Variants in GRID2 observed in about 807,000 individuals in gnomAD.
GRID2 encodes glutamate ionotropic receptor delta type subunit 2.
Under a neutral mutation model 114.8 loss-of-function variants are expected in GRID2, and 33 were observed. The observed-to-expected ratio is 0.29, with a 90% CI of 0.22 to 0.38. GRID2 has a LOEUF of 0.38. GRID2 is among the 10% of genes least tolerant of loss of function. The pLI, the probability that GRID2 is intolerant of heterozygous loss-of-function variation, is 1.00. For missense variants in GRID2, 1,184 were observed against 1,257.7 expected (o/e 0.94, Z 0.89); for synonymous variants, 505 against 449.9 (o/e 1.12, Z -1.55).
At chr4:93,132,810 G>A (rs903503098) in intron 4 of GRID2, among the ~76,000 whole-genome samples, 4 of 152,128 alleles carry the variant, frequency 2.6e-5, no homozygotes, top group Admixed American at 1.3e-4. Context: ...GATGTGCTTC[G>A]AAATAGCTCA....
At chr4:92,528,132 CTCT>C (rs1484045225) in intron 1 of GRID2, among the ~76,000 whole-genome samples, 1 of 151,830 alleles carries the variant, frequency 6.6e-6, no homozygotes, top group Non-Finnish European at 1.5e-5. Context: ...ATCAAAATTA[CTCT>C]TCTTAAAACA....
chr4:92,653,327 C>CTGTG lies in GRID2; in HGVS notation c.244+63059_244+63062dup, dbSNP rs112109018. Among the ~76,000 whole-genome samples the CTGTG allele has an allele frequency of 3.6e-4, 52 of 146,208 alleles. 1 individual carries two copies. The highest frequency in any genetic ancestry group is 3.0e-4 in the Non-Finnish European group (20 of 66,238). On this transcript the variant is annotated intron_variant, in intron 2 of 15. Coordinates refer to ENST00000282020, the MANE Select transcript of GRID2 (RefSeq NM_001510.4). ...ATTACACACACACACACACATGTGT[C>CTGTG]TGTGTGTGTGTGTGTGTGTGTTTGT...
At chr4:92,812,209 T>A (rs1366389025) in intron 2 of GRID2, among the ~76,000 whole-genome samples, 1 of 152,108 alleles carries the variant, frequency 6.6e-6, no homozygotes, top group African/African-American at 2.4e-5. Context: ...CCAAGAAAGG[T>A]AAGTGGATGT....
At chr4:93,077,426 G>A (rs563216094) in intron 2 of GRID2, among the ~76,000 whole-genome samples, 1 of 151,880 alleles carries the variant, frequency 6.6e-6, no homozygotes, top group African/African-American at 2.4e-5. Flanking sequence ...TACTTTTATG[G>A]GATATAATTT....
intron 2 of GRID2, among the ~76,000 whole-genome samples, chr4:92,939,905 C>A (rs1204516550): frequency 1.4e-5 from 2 of 146,608 alleles, no homozygotes; most frequent in Non-Finnish European, 3.0e-5. Context: ...TGAGGGCTCT[C>A]TTCTGTTCCA....
intron 2 of GRID2, among the ~76,000 whole-genome samples, chr4:92,833,469 A>T (rs1286252231): frequency 3.9e-5 from 6 of 152,214 alleles, no homozygotes; most frequent in Non-Finnish European, 8.8e-5. Context: ...ATGTTGCCCT[A>T]TAGCTCAGGA....
At chr4:93,437,963 G>C (rs1201050739) in intron 10 of GRID2, among the ~76,000 whole-genome samples, 1 of 151,992 alleles carries the variant, frequency 6.6e-6, no homozygotes. Context: ...TACAATCTCA[G>C]GAAGAGAGAA....
chr4:93,685,555 G>T (rs1225654193), intron 14 of GRID2, among the ~76,000 whole-genome samples: 3 of 152,084 alleles, frequency 2.0e-5, no homozygotes, highest in Admixed American at 6.6e-5. Flanking sequence ...CACCATCATA[G>T]TTTAATGTCT....
chr4:93,749,723 C>G (rs1461497604), intron 14 of GRID2, among the ~76,000 whole-genome samples: 1 of 152,196 alleles, frequency 6.6e-6, no homozygotes, highest in Non-Finnish European at 1.5e-5. Flanking sequence ...GTGGCGTCAT[C>G]CCCCTCTACA....
chr4:93,463,954 A>G (rs552058840), intron 11 of GRID2, among the ~76,000 whole-genome samples: 1 of 152,062 alleles, frequency 6.6e-6, no homozygotes, highest in African/African-American at 2.4e-5. Context: ...GTGCCACTGC[A>G]CTCCAGCCTG....
chr4:93,496,497 G>T (rs1727562167), intron 12 of GRID2, among the ~76,000 whole-genome samples: 1 of 151,676 alleles, frequency 6.6e-6, no homozygotes, highest in South Asian at 2.1e-4. Flanking sequence ...TCACGGCAAA[G>T]ATCTCTCTCA....
chr4:93,620,722 C>A (rs1003847959), intron 13 of GRID2, among the ~76,000 whole-genome samples: 2 of 152,168 alleles, frequency 1.3e-5, no homozygotes, highest in African/African-American at 4.8e-5. Flanking sequence ...TACAGTTCTT[C>A]ACCTGACAAA....
chr4:93,102,698 G>GT (rs1340011876), intron 3 of GRID2, among the ~76,000 whole-genome samples: 1 of 151,592 alleles, frequency 6.6e-6, no homozygotes, highest in Non-Finnish European at 1.5e-5. Context: ...GTGGCATCTT[G>GT]TTGTTTGAAT....
At chr4:92,893,159 T>C (rs1017544046) in intron 2 of GRID2, among the ~76,000 whole-genome samples, 1 of 152,170 alleles carries the variant, frequency 6.6e-6, no homozygotes, top group Admixed American at 6.5e-5. Flanking sequence ...AAACTCAGAA[T>C]GTAGATTTTT....
intron 6 of GRID2, among the ~76,000 whole-genome samples, chr4:93,219,666 A>C (rs1405160195): frequency 3.9e-5 from 6 of 152,206 alleles, no homozygotes; most frequent in Non-Finnish European, 8.8e-5. Flanking sequence ...GATTAGCTTA[A>C]GTTGCAAAAT....
chr4:92,488,819 A>C (rs1723013499), intron 1 of GRID2, among the ~76,000 whole-genome samples: 1 of 152,164 alleles, frequency 6.6e-6, no homozygotes, highest in South Asian at 2.1e-4. Context: ...TCTGTTTAAG[A>C]ATGATCAAAA....
chr4:92,651,393 C>T (rs370155904), intron 2 of GRID2, among the ~76,000 whole-genome samples: 1 of 151,992 alleles, frequency 6.6e-6, no homozygotes, highest in East Asian at 1.9e-4. Context: ...CATACCATGC[C>T]TAACTTCCAT....
intron 1 of GRID2, among the ~76,000 whole-genome samples, chr4:92,358,899 C>CT (rs566413452): frequency 5.6e-4 from 85 of 151,958 alleles, no homozygotes; most frequent in African/African-American, 1.9e-3. Context: ...AATATGCATA[C>CT]TTTTTTGCAT....
chr4:92,334,283 T>G (rs909903861), intron 1 of GRID2, among the ~76,000 whole-genome samples: 5 of 152,306 alleles, frequency 3.3e-5, no homozygotes, highest in Admixed American at 6.5e-5. Context: ...ACAGCTCTTG[T>G]TTTCTTCTTA....
Sources: gnomAD v4.1 joint callset for allele counts (sites outside exome capture counted in the v4.1 genomes callset) on GRCh38, gnomAD v4.1.1 for gene constraint, MANE v1.5 for transcripts, NCBI Gene and HGNC (gene_info 2026-07-23, HGNC 2026-07-21) for gene names.